Variants in CIT observed in about 807,000 individuals in gnomAD.
The protein encoded by CIT is citron Rho-interacting kinase.
CIT carries 79 observed loss-of-function variants against 272.7 expected under a neutral mutation model. The ratio of observed to expected loss-of-function variants is 0.29; its 90% CI spans 0.24 to 0.35. The LOEUF (loss-of-function observed/expected upper bound fraction) is 0.35, where lower values mean the gene tolerates loss of function less well. CIT is among the 10% of genes least tolerant of loss of function. The probability of loss-of-function intolerance (pLI) is 1.00; values close to 1 mark genes in which losing one functional copy is unlikely to be tolerated. For synonymous variants in CIT, 948 were observed against 995.6 expected (o/e 0.95, Z 0.90); for missense variants, 1,909 against 2,618.3 (o/e 0.73, Z 5.91).
chr12:119,872,439 T>C lies in CIT; in HGVS notation c.97-3238A>G, dbSNP rs147791993. Among the ~76,000 whole-genome samples the C allele has an allele frequency of 5.9e-3, 896 of 152,202 alleles. 7 individuals are homozygous for C. Among genetic ancestry groups the C allele is most frequent in the Non-Finnish European group, 9.9e-3 (673 of 68,010 alleles). ...AAATTGCTACTGTATCTCAACCTCATTCAAACAGCACTATATGGGAAAAGA... is the reference window on the plus strand; with the variant it reads ...AAATTGCTACTGTATCTCAACCTCACTCAAACAGCACTATATGGGAAAAGA... On this transcript the variant is annotated intron_variant, in intron 2 of 47. Coordinates refer to ENST00000392521, the MANE Select transcript of CIT (RefSeq NM_001206999.2).
chr12:119,782,779 T>C, intron 12 of CIT, 142 bp from the exon 13 acceptor site: 1 of 1,015,450 alleles, frequency 9.8e-7, no homozygotes, highest in Non-Finnish European at 1.4e-6. Flanking sequence ...TCCAGTTGGT[T>C]GCCGACTCCG....
intron 8 of CIT, among the ~76,000 whole-genome samples, chr12:119,824,038 CAAAAAAAAAAAA>C (rs33990395): frequency 2.0e-5 from 1 of 50,712 alleles, no homozygotes; most frequent in Non-Finnish European, 3.3e-5. Flanking sequence ...GACTCCATCT[CAAAAAAAAAAAA>C]AAAAAAAAAA....
At chr12:119,747,147 G>T (rs1037783574) in intron 23 of CIT, among the ~76,000 whole-genome samples, 6 of 152,194 alleles carry the variant, frequency 3.9e-5, no homozygotes, top group African/African-American at 1.4e-4. Context: ...AGATGGCCAG[G>T]CACAGTGGCT....
intron 19 of CIT, among the ~76,000 whole-genome samples, 192 bp downstream of exon 19, chr12:119,766,895 T>C (rs1001895892): frequency 6.6e-6 from 1 of 151,980 alleles, no homozygotes; most frequent in African/African-American, 2.4e-5. Context: ...AAAAAGGTTT[T>C]TTTTTTGGAA....
chr12:119,760,851 A>G (rs1961693886), intron 20 of CIT, 88 bp downstream of exon 20: 1 of 836,968 alleles, frequency 1.2e-6, no homozygotes, highest in Admixed American at 1.9e-5. Flanking sequence ...GAATTTCACC[A>G]GGTGAAATAG....
At chr12:119,853,471 G>T (rs1191362120) in intron 4 of CIT, among the ~76,000 whole-genome samples, 1 of 150,258 alleles carries the variant, frequency 6.7e-6, no homozygotes, top group African/African-American at 2.5e-5. Context: ...TAGAGACAGG[G>T]TCTCACCATG....
chr12:119,750,746 GATATAGATAGAT>G (rs1960114205), intron 23 of CIT, among the ~76,000 whole-genome samples: 1 of 122,466 alleles, frequency 8.2e-6, no homozygotes, highest in African/African-American at 3.2e-5. Context: ...AATATATATA[GATATAGATAGAT>G]AGATAGATAG....
intron 9 of CIT, among the ~76,000 whole-genome samples, chr12:119,816,872 C>A (rs1231595334): frequency 6.6e-6 from 1 of 152,140 alleles, no homozygotes; most frequent in Non-Finnish European, 1.5e-5. Flanking sequence ...GTTGCAACTG[C>A]AGGGGGAGGG....
Position 119,728,509 on chromosome 12 carries a change from A to T in CIT, c.3584T>A (p.Leu1195Gln). The change falls in exon 28 of 48, where the codon CTG (leucine) becomes CAG (glutamine). Residue 1195 changes from leucine to glutamine, a missense_variant. This residue lies in a region of CIT where 530 missense variants were observed against 822.4 expected (regional missense o/e 0.64). Transcript: ENST00000392521. This position sits in a 1 kb window ranked among gnomAD's most constrained non-coding sequence, Gnocchi z 4.3. Reference protein sequence around the residue: ...ETERELKQRLLEEQAKLQQQM... With the variant: ...ETERELKQRLQEEQAKLQQQM... ...CAGGTATTTCACACTCACCTCTTCCAGAAGCCTCTGTTTGAGCTCTCGTTC... is the reference window on the plus strand; with the variant it reads ...CAGGTATTTCACACTCACCTCTTCCTGAAGCCTCTGTTTGAGCTCTCGTTC... 1 of 1,607,600 alleles carries T rather than the reference A, an allele frequency of 6.2e-7. No individual in the cohort carries two copies. The highest frequency in any genetic ancestry group is 1.7e-5 in the Admixed American group (1 of 58,898).
chr12:119,708,894 T>C (rs1593422243), intron 39 of CIT, among the ~76,000 whole-genome samples: 1 of 152,322 alleles, frequency 6.6e-6, no homozygotes, highest in Non-Finnish European at 1.5e-5. Context: ...AACTGTACTT[T>C]CAAACATGCT....
chr12:119,723,395 A>G (rs1382249099), intron 28 of CIT, among the ~76,000 whole-genome samples: 3 of 94,200 alleles, frequency 3.2e-5, no homozygotes, highest in African/African-American at 7.8e-5. Flanking sequence ...TTCCCTATAC[A>G]TTAAAAAAAA....
intron 12 of CIT, 192 bp from the exon 13 acceptor site, chr12:119,782,829 T>C (rs960525964): frequency 3.6e-6 from 2 of 554,616 alleles, no homozygotes; most frequent in African/African-American, 3.9e-5. Context: ...AGAAACATCA[T>C]CTCAACCTGG....
chr12:119,872,947 C>T (rs1950727140), intron 2 of CIT, among the ~76,000 whole-genome samples: 1 of 152,170 alleles, frequency 6.6e-6, no homozygotes, highest in Admixed American at 6.5e-5. Flanking sequence ...CAGGCACACA[C>T]CGCCATGCCT....
rs151306013 is a variant in CIT at position 119,752,191 on chromosome 12, T to C, written c.2763A>G (p.Leu921=). 3.4e-4 allele frequency: 551 copies of C among 1,611,662 alleles called. No individual in the cohort carries two copies. The highest frequency in any genetic ancestry group is 4.3e-4 in the Non-Finnish European group (508 of 1,179,946). Residue 921 remains leucine, a synonymous_variant, in exon 23 of 48, where the codon CTA becomes CTG. Transcript: ENST00000392521. ...KLELKRQLTE[L]QLSLQERESQ... The stretch of plus-strand genomic sequence containing the variant: ...ACTCGCGCTCCTGCAGGGAGAGCTG[T>C]AGCTCTGTGAGCTGGCGCTTGAGCT...
Position 119,742,455 on chromosome 12 carries a change from C to T in CIT, c.2914G>A (p.Asp972Asn). 1 of 1,610,550 alleles carries T rather than the reference C, an allele frequency of 6.2e-7. No individual in the cohort carries two copies. The highest frequency in any genetic ancestry group is 8.5e-7 in the Non-Finnish European group (1 of 1,178,726). The change falls in exon 24 of 48, where the codon GAT becomes AAT. Residue 972 changes from aspartate to asparagine, a missense_variant. Around this residue, in one of 8 missense-constraint regions of CIT, gnomAD observed 530 missense variants for 822.4 expected, o/e 0.64. Transcript: ENST00000392521. Reference protein sequence around the residue: ...EEIQALTAHRDEIQRKFDALR... With the variant: ...EEIQALTAHRNEIQRKFDALR... ...GCATCAAATTTGCGCTGGATTTCAT[C>T]TCTATGTGCCTAAAAGGTAAGAAGT...
rs998216351 is a variant in CIT at position 119,718,539 on chromosome 12, T to C, written c.4004-130A>G. 2 of 1,399,248 alleles carry C rather than the reference T, an allele frequency of 1.4e-6. No individual in the cohort carries two copies. The highest frequency in any genetic ancestry group is 2.0e-6 in the Non-Finnish European group (2 of 1,021,588). The allele number at this position is 1,399,248 out of a possible 1,614,324, so 86.7% of individuals were successfully genotyped here. A position where few individuals can be genotyped will look rare whatever the true frequency, so the allele number is the denominator to read the frequency against. On this transcript the variant is annotated intron_variant, in intron 31 of 47. Coordinates refer to ENST00000392521, the MANE Select transcript of CIT (RefSeq NM_001206999.2). The surrounding 1 kb of genome is among the most constrained non-coding windows in gnomAD (Gnocchi z 4.8). ...AATATGCGTCACATCAACTTGGCAA[T>C]GCACAGGGGCCATACGTTTTTCAGA...
At chr12:119,717,023 GA>G (rs1227276683) in intron 32 of CIT, among the ~76,000 whole-genome samples, 1 of 152,136 alleles carries the variant, frequency 6.6e-6, no homozygotes, top group East Asian at 1.9e-4. Flanking sequence ...ATTTATAAGA[GA>G]AAAAAGGCCT....
At chr12:119,786,222 G>A (rs1964785123) in intron 10 of CIT, among the ~76,000 whole-genome samples, 1 of 152,110 alleles carries the variant, frequency 6.6e-6, no homozygotes, top group Non-Finnish European at 1.5e-5. Flanking sequence ...GTCTCAAGAG[G>A]GAGCTGGGGT....
At chr12:119,760,795 A>G in intron 20 of CIT, 144 bp downstream of exon 20, 1 of 684,554 alleles carries the variant, frequency 1.5e-6, no homozygotes, top group Non-Finnish European at 2.6e-6. Flanking sequence ...AAACAGTTTC[A>G]GAGAAAGCCT....
Sources: gnomAD v4.1 joint callset for allele counts (sites outside exome capture counted in the v4.1 genomes callset) on GRCh38, gnomAD v4.1.1 for gene constraint, gnomAD v4.1.1 regional missense constraint, Gnocchi (gnomAD v3.1) non-coding constraint, MANE v1.5 for transcripts, NCBI Gene and HGNC (gene_info 2026-07-23, HGNC 2026-07-21) for gene names.